Variants in DSCAM observed in about 807,000 individuals in gnomAD.
DSCAM encodes cell adhesion molecule DSCAM.
A neutral mutation model predicts 217.7 loss-of-function variants in DSCAM; 47 were observed. The ratio of observed to expected loss-of-function variants is 0.22; its 90% confidence interval spans 0.17 to 0.28. The LOEUF (loss-of-function observed/expected upper bound fraction) is 0.28, where lower values mean the gene tolerates loss of function less well. Ranked by LOEUF, DSCAM falls within the 10% of genes least tolerant of loss-of-function variation. DSCAM has a pLI of 1.00. For missense variants in DSCAM, 2,080 were observed against 2,618.3 expected, an observed-to-expected ratio of 0.79 and a Z score of 4.49; for synonymous variants, 1,056 against 1,015.3, an observed-to-expected ratio of 1.04 and a Z score of -0.76.
chr21:40,288,660 T>G (rs962342836), intron 10 of DSCAM, among the ~76,000 whole-genome samples: 4 of 152,208 alleles, frequency 2.6e-5, no homozygotes, highest in Non-Finnish European at 1.5e-5. Flanking sequence ...TGAAAAAGTT[T>G]GGGCTCTTCA....
chr21:40,200,277 G>A (rs183932432), intron 11 of DSCAM, among the ~76,000 whole-genome samples: 2 of 152,088 alleles, frequency 1.3e-5, no homozygotes, highest in African/African-American at 4.8e-5. Flanking sequence ...CTGAAACTTG[G>A]CAACTCTTAA....
At chr21:40,069,574 A>T (rs2089260186) in intron 27 of DSCAM, among the ~76,000 whole-genome samples, 1 of 152,184 alleles carries the variant, frequency 6.6e-6, no homozygotes, top group Admixed American at 6.5e-5. Flanking sequence ...TTCATATCTG[A>T]AGTTCTAGTT....
intron 16 of DSCAM, among the ~76,000 whole-genome samples, chr21:40,166,174 ACAAT>A (rs2090592831): frequency 6.6e-6 from 1 of 152,186 alleles, no homozygotes; most frequent in Admixed American, 6.5e-5. Flanking sequence ...AAACAAACAA[ACAAT>A]CAAACAAACA....
chr21:40,051,895 G>T, intron 30 of DSCAM, 63 bp downstream of exon 30: 2 of 1,538,714 alleles, frequency 1.3e-6, no homozygotes. Context: ...GAGAGAGAAA[G>T]AACATTACTA....
At chr21:40,721,530 A>C (rs2090900986) in intron 1 of DSCAM, among the ~76,000 whole-genome samples, 1 of 152,164 alleles carries the variant, frequency 6.6e-6, no homozygotes, top group African/African-American at 2.4e-5. Flanking sequence ...GTAATATATG[A>C]AATGAAAGTT....
intron 19 of DSCAM, among the ~76,000 whole-genome samples, chr21:40,133,135 T>G (rs2146689107): frequency 6.6e-6 from 1 of 152,376 alleles, no homozygotes; most frequent in South Asian, 2.1e-4. Flanking sequence ...CTTTTCTCAC[T>G]ACCACGGTAG....
Position 40,176,324 on chromosome 21 carries a change from T to TG in DSCAM, c.2947+2602dup, listed in dbSNP as rs570765323. Among the ~76,000 whole-genome samples the TG allele has an allele frequency of 2.0e-5, 3 of 151,738 alleles. No homozygotes were observed. In the South Asian group the frequency reaches 6.3e-4, roughly 32 times the overall value. On this transcript the variant is annotated intron_variant, in intron 15 of 32. Coordinates refer to ENST00000400454, the MANE Select transcript of DSCAM (RefSeq NM_001389.5). ...AAGTGTCATTGCAAAGTAGTAGCAT[T>TG]GGGGGGCATCCTCGTGTGCCCAAGA...
In DSCAM at chr21:40,652,369, C is replaced by T. The variant is rs73905027; in HGVS notation, c.508+40441G>A. On this transcript the variant is annotated intron_variant, in intron 3 of 32. Coordinates refer to ENST00000400454, the MANE Select transcript of DSCAM (RefSeq NM_001389.5). ...CAACAAAAAAAAAAAAAAACAACTT[C>T]TAGCTATAAGAATCCTGCTTTGAGC... 1.7e-3 allele frequency among the ~76,000 whole-genome samples: 262 copies of T among 151,792 alleles called. 4 individuals are homozygous for T. Among genetic ancestry groups the T allele is most frequent in the African/African-American group, 5.5e-3 (229 of 41,384 alleles).
intron 3 of DSCAM, among the ~76,000 whole-genome samples, chr21:40,423,668 G>A (rs994880198): frequency 6.6e-6 from 1 of 152,102 alleles, no homozygotes; most frequent in Non-Finnish European, 1.5e-5. Context: ...GTCTCTTTTT[G>A]TGCCTTATAC....
intron 3 of DSCAM, among the ~76,000 whole-genome samples, chr21:40,474,553 C>T (rs550552263): frequency 1.3e-5 from 2 of 152,240 alleles, no homozygotes; most frequent in East Asian, 1.9e-4. Context: ...CGGGAGCTGC[C>T]GCCCTCCCCT....
At position 40,039,557 on chromosome 21, in the gene DSCAM, G is replaced by GAT. The variant is rs573901070; in HGVS notation, c.5686+2812_5686+2813dup. Among the ~76,000 whole-genome samples, 1,243 of 152,132 alleles carry GAT rather than the reference G, an allele frequency of 8.2e-3. 22 individuals carry two copies. The highest frequency in any genetic ancestry group is 0.029 in the African/African-American group (1,193 of 41,506). Reference sequence around the variant, plus strand: ...GTGTATATTATAAACACACACAGGAGATATATATATTTATGTATAGAGAGA... The same window carrying GAT: ...GTGTATATTATAAACACACACAGGAGATATATATATATTTATGTATAGAGAGA... On this transcript the variant is annotated intron_variant, in intron 32 of 32. Transcript: ENST00000400454.
At chr21:40,517,243 A>G (rs1181780574) in intron 3 of DSCAM, among the ~76,000 whole-genome samples, 1 of 148,836 alleles carries the variant, frequency 6.7e-6, no homozygotes, top group African/African-American at 2.5e-5. Context: ...CACACACCTT[A>G]TGTGTGTATA....
At chr21:40,043,438 A>C (rs1004510276) in intron 31 of DSCAM, among the ~76,000 whole-genome samples, 6 of 152,236 alleles carry the variant, frequency 3.9e-5, no homozygotes, top group African/African-American at 1.2e-4. Context: ...TATCATCAAG[A>C]ACAAAAGAAA....
chr21:40,072,494 C>G (rs777860165), intron 27 of DSCAM, among the ~76,000 whole-genome samples: 1 of 151,946 alleles, frequency 6.6e-6, no homozygotes, highest in Admixed American at 6.6e-5. Flanking sequence ...CTACAGGCGC[C>G]CGCCACCACC....
chr21:40,118,251 G>A (rs1340428158), intron 20 of DSCAM, among the ~76,000 whole-genome samples: 1 of 152,200 alleles, frequency 6.6e-6, no homozygotes, highest in African/African-American at 2.4e-5. Context: ...CAGTGGGAAG[G>A]CTTCTGACTT....
intron 11 of DSCAM, among the ~76,000 whole-genome samples, chr21:40,190,026 A>G (rs964835410): frequency 5.9e-5 from 9 of 152,190 alleles, no homozygotes; most frequent in Non-Finnish European, 1.0e-4. Context: ...CACAATGCCC[A>G]TCTCCCACAG....
chr21:40,106,950 T>C (rs578084705), intron 20 of DSCAM, among the ~76,000 whole-genome samples: 1 of 152,118 alleles, frequency 6.6e-6, no homozygotes, highest in Non-Finnish European at 1.5e-5. Context: ...CATTGAATGG[T>C]TTTTCATGTC....
chr21:40,723,090 C>T (rs1253753871), intron 1 of DSCAM, among the ~76,000 whole-genome samples: 69 of 139,594 alleles, frequency 4.9e-4, no homozygotes, highest in African/African-American at 1.6e-3. Flanking sequence ...CTCTCTCGCT[C>T]TTTTTTTTTT....
chr21:40,776,930 A>G (rs1009470342), intron 1 of DSCAM, among the ~76,000 whole-genome samples: 2 of 152,236 alleles, frequency 1.3e-5, no homozygotes, highest in African/African-American at 4.8e-5. Context: ...ATGGCAAAGA[A>G]AACAGGAAAA....
Sources: gnomAD v4.1 joint callset for allele counts (sites outside exome capture counted in the v4.1 genomes callset) on GRCh38, gnomAD v4.1.1 for gene constraint, MANE v1.5 for transcripts, NCBI Gene and HGNC (gene_info 2026-07-23, HGNC 2026-07-21) for gene names.